The following CROCC2 variants were observed in gnomAD, a reference collection of about 807,000 sequenced individuals.
CROCC2 encodes the protein ciliary rootlet coiled-coil protein 2.
CROCC2 carries 163 observed loss-of-function variants against 177.6 expected under a neutral mutation model. The ratio of observed to expected loss-of-function variants is 0.92; its 90% CI spans 0.81 to 1.05. CROCC2 has a LOEUF of 1.05. Among genes scored for constraint, CROCC2 ranks in the 50% least tolerant of loss-of-function variants. The probability of loss-of-function intolerance (pLI) is 0.00; values close to 1 mark genes in which losing one functional copy is unlikely to be tolerated. For missense variants in CROCC2, 1,929 were observed against 1,797.8 expected (o/e 1.07, Z -1.32); for synonymous variants, 904 against 787.3 (o/e 1.15, Z -2.48).
chr2:240,968,470 C>T (rs2059699849), intron 27 of CROCC2, among the ~76,000 whole-genome samples: 1 of 152,156 alleles, frequency 6.6e-6, no homozygotes, highest in Non-Finnish European at 1.5e-5. Context: ...TTGGGGTCAT[C>T]GGGACTGGGG....
intron 9 of CROCC2, 45 bp downstream of exon 9, chr2:240,932,953 G>A (rs756592435): frequency 5.9e-6 from 9 of 1,537,548 alleles, no homozygotes; most frequent in Middle Eastern, 2.2e-4. Flanking sequence ...CCTGAGGGCA[G>A]AAACATGAGC....
At position 240,960,587 on chromosome 2, in the gene CROCC2, G is replaced by T. The variant is rs1430816862; in HGVS notation, c.3087+1143G>T. Among the ~76,000 whole-genome samples the T allele has an allele frequency of 6.6e-6, 1 of 152,140 alleles. No individual in the cohort carries two copies. Among genetic ancestry groups the T allele is most frequent in the East Asian group, 1.9e-4 (1 of 5,166 alleles). ...GGGAGGGTCAGCTGGAGCCCCAGCG[G>T]GGCCCACGGGGACGGGGCGACCTCG... is the stretch of plus-strand genomic sequence containing the variant. On this transcript the variant is annotated intron_variant, in intron 20 of 31. Transcript: ENST00000690015. This position sits in a 1 kb window ranked among gnomAD's most constrained non-coding sequence, Gnocchi z 5.0.
intron 1 of CROCC2, among the ~76,000 whole-genome samples, chr2:240,912,630 C>T (rs372315338): frequency 5.4e-4 from 83 of 152,326 alleles, no homozygotes; most frequent in African/African-American, 1.9e-3. Flanking sequence ...GCCTGCCCAG[C>T]CCTGTGGTTT....
chr2:240,943,532 G>A (rs2059505698), intron 14 of CROCC2, among the ~76,000 whole-genome samples: 1 of 149,964 alleles, frequency 6.7e-6, no homozygotes, highest in Admixed American at 6.7e-5. Flanking sequence ...CTGTCGCCCA[G>A]GATGGAGTGC....
chr2:240,948,913 T>G, intron 15 of CROCC2, 66 bp from the exon 16 acceptor site: 1 of 1,436,400 alleles, frequency 7.0e-7, no homozygotes, highest in Non-Finnish European at 9.6e-7. Context: ...TGTGTAAAGC[T>G]ATAGAGAGCA....
intron 7 of CROCC2, 97 bp from the exon 8 acceptor site, chr2:240,932,221 G>A (rs2059436096): frequency 4.8e-6 from 3 of 629,180 alleles, no homozygotes; most frequent in African/African-American, 1.8e-5. Context: ...CGGCAGGGGG[G>A]CCACCGCACA....
At chr2:240,981,350 G>C (rs914564310) in intron 27 of CROCC2, among the ~76,000 whole-genome samples, 1 of 152,188 alleles carries the variant, frequency 6.6e-6, no homozygotes, top group African/African-American at 2.4e-5. Context: ...GAAGGGCTGG[G>C]GTTCTTTCCT....
chr2:240,990,541 G>C (rs1266823303), intron 30 of CROCC2, among the ~76,000 whole-genome samples: 2 of 152,118 alleles, frequency 1.3e-5, no homozygotes, highest in Non-Finnish European at 2.9e-5. Context: ...TTAGCAAAAG[G>C]ACATTTATTT....
intron 31 of CROCC2, 70 bp from the exon 32 acceptor site, chr2:240,992,996 C>T (rs1195433917): frequency 1.4e-6 from 1 of 708,372 alleles, no homozygotes; most frequent in African/African-American, 1.8e-5. Context: ...CCCTCCAGCC[C>T]CCGGCAGCAG....
intron 18 of CROCC2, 110 bp downstream of exon 18, chr2:240,950,620 T>C: frequency 9.1e-7 from 1 of 1,093,396 alleles, no homozygotes; most frequent in Non-Finnish European, 1.3e-6. Context: ...TCCAACCGCC[T>C]ACCCACCCAT....
At chr2:240,961,957 G>A (rs2059642112) in intron 20 of CROCC2, among the ~76,000 whole-genome samples, 2 of 148,078 alleles carry the variant, frequency 1.4e-5, no homozygotes, top group Non-Finnish European at 3.0e-5. Context: ...ACACACGTAT[G>A]CACACCACGT....
chr2:240,933,078 T>C (rs1458611968), intron 9 of CROCC2, 53 bp from the exon 10 acceptor site: 1 of 1,544,844 alleles, frequency 6.5e-7, no homozygotes, highest in African/African-American at 1.4e-5. Flanking sequence ...TGGGCCTCGG[T>C]GGGCAAAGCC....
At chr2:240,979,516 C>T (rs2059784061) in intron 27 of CROCC2, among the ~76,000 whole-genome samples, 1 of 88,790 alleles carries the variant, frequency 1.1e-5, no homozygotes, top group Non-Finnish European at 2.3e-5. Context: ...CCAGGCTCAT[C>T]CCTGCTCAGG....
chr2:240,907,181 G>A (rs1186003036), intron 1 of CROCC2, among the ~76,000 whole-genome samples: 1 of 152,204 alleles, frequency 6.6e-6, no homozygotes, highest in African/African-American at 2.4e-5. Flanking sequence ...CTGCACATTT[G>A]TGGGAGGCTG....
chr2:240,913,705 C>T (rs568648631), intron 1 of CROCC2, among the ~76,000 whole-genome samples: 1 of 152,362 alleles, frequency 6.6e-6, no homozygotes, highest in African/African-American at 2.4e-5. Flanking sequence ...GATGCCCAGG[C>T]CCAGAGTGTG....
rs7370554 is a variant in CROCC2, at chr2:240,925,026, T to C, written c.489-698T>C. Among the ~76,000 whole-genome samples, 516 of 103,666 alleles carry C rather than the reference T, an allele frequency of 5.0e-3. 44 individuals carry two copies. The highest frequency in any genetic ancestry group is 0.046 in the East Asian group (94 of 2,054). 68.0% of individuals were successfully genotyped at this position (103,666 alleles called of 152,430 possible). On this transcript the variant is annotated intron_variant, in intron 4 of 31. Coordinates refer to ENST00000690015, the MANE Select transcript of CROCC2 (RefSeq NM_001351305.2). Reference sequence around the variant, plus strand: ...CCCCCACACTGACCCAGCCCCCACATTAACCCAGCCCTGCACAGCAACCAA... The same window carrying C: ...CCCCCACACTGACCCAGCCCCCACACTAACCCAGCCCTGCACAGCAACCAA...
At chr2:240,909,582 CT>C (rs2059274797) in intron 1 of CROCC2, among the ~76,000 whole-genome samples, 1 of 152,188 alleles carries the variant, frequency 6.6e-6, no homozygotes, top group African/African-American at 2.4e-5. Context: ...AGCGGCTGGT[CT>C]GAGGGGGAAT....
intron 27 of CROCC2, among the ~76,000 whole-genome samples, chr2:240,970,614 C>T (rs2059713860): frequency 6.6e-6 from 1 of 152,228 alleles, no homozygotes; most frequent in Non-Finnish European, 1.5e-5. Flanking sequence ...TTCCCAGCTG[C>T]ACTGCTTCCA....
intron 27 of CROCC2, among the ~76,000 whole-genome samples, chr2:240,969,930 A>G (rs973451702): frequency 6.6e-6 from 1 of 152,130 alleles, no homozygotes; most frequent in African/African-American, 2.4e-5. Flanking sequence ...GTTTCACACC[A>G]TGTTGGCCAG....
Sources: allele counts gnomAD v4.1 joint callset (sites outside exome capture counted in the v4.1 genomes callset), GRCh38; gene constraint gnomAD v4.1.1; non-coding constraint Gnocchi (gnomAD v3.1); transcripts MANE v1.5; gene names NCBI Gene and HGNC (gene_info 2026-07-23, HGNC 2026-07-21).